CTNND2: variants seen among roughly 807,000 people sequenced by gnomAD.
CTNND2 encodes the protein catenin delta 2.
Under a neutral mutation model 144.4 loss-of-function variants are expected in CTNND2, and 22 were observed. The ratio of observed to expected loss-of-function variants is 0.15; its 90% CI spans 0.11 to 0.22. The LOEUF is 0.22. Among genes scored for constraint, CTNND2 ranks in the 10% least tolerant of loss-of-function variants. The probability of loss-of-function intolerance (pLI) is 1.00; values close to 1 mark genes in which losing one functional copy is unlikely to be tolerated. For missense variants in CTNND2, 1,353 were observed against 1,618.8 expected (o/e 0.84, Z 2.82); for synonymous variants, 751 against 695.6 (o/e 1.08, Z -1.25).
intron 18 of CTNND2, among the ~76,000 whole-genome samples, chr5:11,001,351 A>G (rs762702765): frequency 6.6e-6 from 1 of 152,182 alleles, no homozygotes; most frequent in Non-Finnish European, 1.5e-5. Context: ...TTTTCTTTCC[A>G]TGATAGTAAT....
chr5:11,501,075 G>C (rs1770482401), intron 3 of CTNND2, among the ~76,000 whole-genome samples: 1 of 152,180 alleles, frequency 6.6e-6, no homozygotes, highest in African/African-American at 2.4e-5. Flanking sequence ...TCCTTGAAAA[G>C]AGACTACTCT....
chr5:11,587,435 C>T, intron 2 of CTNND2, among the ~76,000 whole-genome samples: 1 of 151,930 alleles, frequency 6.6e-6, no homozygotes, highest in Middle Eastern at 3.4e-3. Flanking sequence ...TTCTGATATT[C>T]TGATATAATA....
intron 9 of CTNND2, among the ~76,000 whole-genome samples, chr5:11,292,184 TA>T (rs1748421757): frequency 6.6e-6 from 1 of 152,180 alleles, no homozygotes; most frequent in Admixed American, 6.5e-5. Context: ...GAGGATCTAC[TA>T]AATTATGAGT....
intron 1 of CTNND2, among the ~76,000 whole-genome samples, chr5:11,805,203 C>T (rs1791925041): frequency 6.6e-6 from 1 of 152,090 alleles, no homozygotes; most frequent in Non-Finnish European, 1.5e-5. Context: ...CAGGAGGTAA[C>T]AGACTAGAGT....
intron 14 of CTNND2, among the ~76,000 whole-genome samples, chr5:11,101,930 T>C (rs979271331): frequency 2.0e-5 from 3 of 151,838 alleles, no homozygotes; most frequent in Admixed American, 6.6e-5. Flanking sequence ...TGTGTTTACA[T>C]CTTCACTCCT....
intron 8 of CTNND2, among the ~76,000 whole-genome samples, chr5:11,347,664 C>T (rs1754933618): frequency 6.6e-6 from 1 of 152,174 alleles, no homozygotes; most frequent in East Asian, 1.9e-4. Flanking sequence ...GTAGAACAGA[C>T]TTCATATCCA....
chr5:11,618,313 A>G (rs1441482927), intron 2 of CTNND2, among the ~76,000 whole-genome samples: 3 of 152,226 alleles, frequency 2.0e-5, no homozygotes, highest in African/African-American at 7.2e-5. Context: ...ACTTAGGATC[A>G]ACACGTTAAA....
intron 3 of CTNND2, among the ~76,000 whole-genome samples, chr5:11,444,881 T>C (rs1764665765): frequency 6.6e-6 from 1 of 151,836 alleles, no homozygotes; most frequent in Non-Finnish European, 1.5e-5. Context: ...AGGGCCTGGA[T>C]TGGGGTATGT....
At chr5:11,744,539 G>A (rs1357458715) in intron 1 of CTNND2, among the ~76,000 whole-genome samples, 1 of 152,084 alleles carries the variant, frequency 6.6e-6, no homozygotes, top group Non-Finnish European at 1.5e-5. Context: ...ATGTATATAG[G>A]GAGACATGAG....
At chr5:11,240,739 CA>C (rs1742296819) in intron 9 of CTNND2, among the ~76,000 whole-genome samples, 1 of 148,546 alleles carries the variant, frequency 6.7e-6, no homozygotes, top group African/African-American at 2.5e-5. Context: ...AGCACACACA[CA>C]CCCAACACAC....
At chr5:11,579,265 G>A (rs992616092) in intron 2 of CTNND2, among the ~76,000 whole-genome samples, 3 of 151,762 alleles carry the variant, frequency 2.0e-5, no homozygotes, top group Non-Finnish European at 2.9e-5. Flanking sequence ...TTGTAAGAAT[G>A]TAGCAGTGAT....
At chr5:11,020,951 T>C (rs965721068) in intron 17 of CTNND2, among the ~76,000 whole-genome samples, 1 of 152,164 alleles carries the variant, frequency 6.6e-6, no homozygotes, top group Non-Finnish European at 1.5e-5. Context: ...AGGGCATTTA[T>C]GAGATCATCT....
intron 3 of CTNND2, among the ~76,000 whole-genome samples, chr5:11,460,117 C>T (rs183162972): frequency 6.6e-6 from 1 of 152,180 alleles, no homozygotes; most frequent in Non-Finnish European, 1.5e-5. Flanking sequence ...GTCTTCAATA[C>T]ATGATGCCCG....
chr5:11,563,929 CAG>C (rs1776868660), intron 3 of CTNND2, among the ~76,000 whole-genome samples: 1 of 152,208 alleles, frequency 6.6e-6, no homozygotes, highest in South Asian at 2.1e-4. Flanking sequence ...CCTACTTCTG[CAG>C]AGTGGCTGCT....
chr5:11,327,739 A>C (rs1752676796), intron 9 of CTNND2, among the ~76,000 whole-genome samples: 1 of 152,162 alleles, frequency 6.6e-6, no homozygotes, highest in Non-Finnish European at 1.5e-5. Context: ...TTCTGATGAT[A>C]AAATTGGTGA....
At chr5:11,884,770 C>A (rs1193351677) in intron 1 of CTNND2, among the ~76,000 whole-genome samples, 2 of 152,024 alleles carry the variant, frequency 1.3e-5, no homozygotes, top group African/African-American at 4.8e-5. Flanking sequence ...AACTTTAACC[C>A]ATTCACTATG....
At chr5:11,691,729 C>A (rs1784918099) in intron 2 of CTNND2, among the ~76,000 whole-genome samples, 1 of 152,090 alleles carries the variant, frequency 6.6e-6, no homozygotes, top group Non-Finnish European at 1.5e-5. Context: ...ACACAGTCGT[C>A]CCCTCTCTAC....
rs578098885 is a variant in CTNND2, at chr5:11,385,089, CGCGGCG to C, written c.747_752del (p.Ala250_Ala251del). 2.1e-4 allele frequency: 223 copies of C among 1,054,088 alleles called. No homozygotes were observed. The highest frequency in any genetic ancestry group is 4.5e-4 in the Middle Eastern group (1 of 2,232). The allele number at this position is 1,054,088 out of a possible 1,614,324, so 65.3% of individuals were successfully genotyped here. On this transcript the variant is annotated inframe_deletion, in exon 7 of 22. Transcript: ENST00000304623. ...GCAGCGTGGAGCTGGAGTAGTAGAGCGCGGCGGCGGCGGCGGCGGGCGGCGCGTCGG... is the reference window on the plus strand; with the variant it reads ...GCAGCGTGGAGCTGGAGTAGTAGAGCGCGGCGGCGGCGGGCGGCGCGTCGG...
chr5:11,706,797 G>A (rs1785718704), intron 2 of CTNND2, among the ~76,000 whole-genome samples: 1 of 152,038 alleles, frequency 6.6e-6, no homozygotes, highest in South Asian at 2.1e-4. Context: ...ACTAAAATAA[G>A]GAAGTAAGGC....
Sources: gnomAD v4.1 joint callset for allele counts (sites outside exome capture counted in the v4.1 genomes callset) on GRCh38, gnomAD v4.1.1 for gene constraint, MANE v1.5 for transcripts, NCBI Gene and HGNC (gene_info 2026-07-23, HGNC 2026-07-21) for gene names.